The following RYR3 variants were observed in gnomAD, a reference collection of about 807,000 sequenced individuals.
RYR3 encodes brain ryanodine receptor-calcium release channel.
A neutral mutation model predicts 584.3 loss-of-function variants in RYR3; 207 were observed. The ratio of observed to expected loss-of-function variants is 0.35; its 90% CI spans 0.32 to 0.40. RYR3 has a LOEUF of 0.40. RYR3 is among the 10% of genes least tolerant of loss of function. The probability of loss-of-function intolerance (pLI) is 1.00; values close to 1 mark genes in which losing one functional copy is unlikely to be tolerated. For missense variants in RYR3, 5,616 were observed against 6,089.2 expected (o/e 0.92, Z 2.59); for synonymous variants, 2,416 against 2,248.5 (o/e 1.07, Z -2.11).
At chr15:33,677,910 C>T (rs1044241915) in intron 38 of RYR3, among the ~76,000 whole-genome samples, 15 of 152,166 alleles carry the variant, frequency 9.9e-5, no homozygotes, top group Admixed American at 6.5e-4. Context: ...CAGCCAATCA[C>T]GGATAGAGTC....
At chr15:33,471,589 CT>C (rs2048934755) in intron 1 of RYR3, among the ~76,000 whole-genome samples, 1 of 77,412 alleles carries the variant, frequency 1.3e-5, no homozygotes, top group African/African-American at 7.4e-5. Context: ...ACTTTCATGC[CT>C]TTGTAAAAAA....
At chr15:33,699,244 CTCTCTCTCTCCCCCCCTT>C (rs1566975429) in intron 40 of RYR3, among the ~76,000 whole-genome samples, 2 of 130,268 alleles carry the variant, frequency 1.5e-5, no homozygotes, top group African/African-American at 2.7e-5. Flanking sequence ...CTGTCTCTCT[CTCTCTCTCTCCCCCCCTT>C]TCTCTCTCTC....
intron 1 of RYR3, among the ~76,000 whole-genome samples, chr15:33,453,798 A>G (rs1042193388): frequency 6.6e-6 from 1 of 152,186 alleles, no homozygotes; most frequent in Non-Finnish European, 1.5e-5. Context: ...GTGTTTTCAT[A>G]TGAAAAAAAA....
chr15:33,829,123 A>G (rs1173660636), intron 85 of RYR3, among the ~76,000 whole-genome samples: 1 of 152,170 alleles, frequency 6.6e-6, no homozygotes, highest in Non-Finnish European at 1.5e-5. Context: ...ATCTGTTTAC[A>G]GCATGATTTA....
chr15:33,562,814 G>C (rs755953819), intron 10 of RYR3, 23 bp from the exon 11 acceptor site: 1 of 1,589,118 alleles, frequency 6.3e-7, no homozygotes, highest in South Asian at 1.1e-5. Flanking sequence ...GCCTATGTTT[G>C]TTTCTTTTTG....
At chr15:33,757,221 C>T (rs1353127082) in intron 59 of RYR3, among the ~76,000 whole-genome samples, 1 of 152,150 alleles carries the variant, frequency 6.6e-6, no homozygotes, top group Non-Finnish European at 1.5e-5. Context: ...CGTAGGACTC[C>T]TCTGCAAATG....
intron 42 of RYR3, 88 bp from the exon 43 acceptor site, chr15:33,706,831 T>C: frequency 7.5e-7 from 1 of 1,330,898 alleles, no homozygotes; most frequent in Non-Finnish European, 1.0e-6. Context: ...CTCTACATCC[T>C]CAACCAACAC....
At chr15:33,353,132 T>C (rs1365311571) in intron 1 of RYR3, among the ~76,000 whole-genome samples, 1 of 152,232 alleles carries the variant, frequency 6.6e-6, no homozygotes, top group Non-Finnish European at 1.5e-5. Flanking sequence ...GCATTTTTTA[T>C]ATTTAGCTTG....
intron 86 of RYR3, among the ~76,000 whole-genome samples, chr15:33,833,175 G>T (rs1180906001): frequency 6.6e-6 from 1 of 152,172 alleles, no homozygotes; most frequent in Non-Finnish European, 1.5e-5. Flanking sequence ...CCATCTTGCT[G>T]AGACAGAAGA....
intron 1 of RYR3, among the ~76,000 whole-genome samples, chr15:33,423,548 T>C (rs1275574519): frequency 6.6e-6 from 1 of 152,248 alleles, no homozygotes; most frequent in Non-Finnish European, 1.5e-5. Flanking sequence ...ATTTAACTTT[T>C]TGAGGACCCA....
intron 12 of RYR3, among the ~76,000 whole-genome samples, chr15:33,572,149 C>T (rs1423220380): frequency 1.3e-5 from 2 of 152,198 alleles, no homozygotes; most frequent in East Asian, 3.9e-4. Context: ...CTCAGCAACG[C>T]AGTTTTATAA....
At position 33,660,512 on chromosome 15, in the gene RYR3, G is replaced by A. The variant is rs1042194143; in HGVS notation, c.4622+89G>A. On this transcript the variant is annotated intron_variant, in intron 34 of 103. Transcript: ENST00000634891. Reference sequence around the variant, plus strand: ...GCCCAGAAGGAAACCAGGAGCATCTGTGTTGGATCCTGCTCAGTCCCAGTA... The same window carrying A: ...GCCCAGAAGGAAACCAGGAGCATCTATGTTGGATCCTGCTCAGTCCCAGTA... The A allele has an allele frequency of 5.9e-6, 5 of 848,952 alleles. No homozygotes were observed. The African/African-American group carries it at 6.8e-5, about 12-fold the overall frequency. 52.6% of individuals were successfully genotyped at this position (848,952 alleles called of 1,614,324 possible).
Position 33,671,805 on chromosome 15 carries a change from C to CTTTTTTTTTT in RYR3, c.5860+1264_5860+1273dup, listed in dbSNP as rs56206846. Among the ~76,000 whole-genome samples the CTTTTTTTTTT allele has an allele frequency of 1.2e-3, 99 of 80,286 alleles. 2 individuals are homozygous for CTTTTTTTTTT. The highest frequency in any genetic ancestry group is 2.1e-3 in the African/African-American group (38 of 18,090). 52.7% of individuals were successfully genotyped at this position (80,286 alleles called of 152,430 possible). A position where few individuals can be genotyped will look rare whatever the true frequency, so the allele number is the denominator to read the frequency against. On this transcript the variant is annotated intron_variant, in intron 38 of 103. Transcript: ENST00000634891. ...GTTGCTTCTTTCCCACCTTCTTTTT[C>CTTTTTTTTTT]TTTTTTTTTTTTTTTTTTTTTTTTC...
chr15:33,566,001 C>T (rs1567551244), intron 11 of RYR3, among the ~76,000 whole-genome samples: 2 of 152,334 alleles, frequency 1.3e-5, no homozygotes, highest in East Asian at 3.9e-4. Context: ...TTCCAACCCT[C>T]TAAGATAAGT....
At chr15:33,603,811 G>C (rs1431244177) in intron 18 of RYR3, among the ~76,000 whole-genome samples, 2 of 152,228 alleles carry the variant, frequency 1.3e-5, no homozygotes, top group Non-Finnish European at 2.9e-5. Context: ...ACACTAGGAA[G>C]GATCCAGACC....
intron 42 of RYR3, among the ~76,000 whole-genome samples, chr15:33,704,772 C>G (rs1288248876): frequency 1.3e-5 from 2 of 152,138 alleles, no homozygotes; most frequent in Admixed American, 6.5e-5. Flanking sequence ...CATGGAGCCT[C>G]CATTGGAAGA....
intron 33 of RYR3, 38 bp from the exon 34 acceptor site, chr15:33,660,157 CTG>C (rs1321159373): frequency 7.2e-7 from 1 of 1,397,532 alleles, no homozygotes; most frequent in Non-Finnish European, 9.9e-7. Flanking sequence ...CATCCAGCAA[CTG>C]TGTGTTTCTT....
intron 48 of RYR3, among the ~76,000 whole-genome samples, chr15:33,732,760 G>A (rs188863901): frequency 6.6e-6 from 1 of 152,328 alleles, no homozygotes; most frequent in African/African-American, 2.4e-5. Context: ...AAAACTGTTA[G>A]GGATGGGACC....
intron 59 of RYR3, among the ~76,000 whole-genome samples, chr15:33,756,848 G>GATA (rs2071886909): frequency 6.6e-6 from 1 of 152,118 alleles, no homozygotes; most frequent in African/African-American, 2.4e-5. Context: ...GGTACGATAT[G>GATA]ATACCTTGAA....
Sources: gnomAD v4.1 joint callset for allele counts (sites outside exome capture counted in the v4.1 genomes callset) on GRCh38, gnomAD v4.1.1 for gene constraint, MANE v1.5 for transcripts, NCBI Gene and HGNC (gene_info 2026-07-23, HGNC 2026-07-21) for gene names.